The following RAB40C variants were observed in gnomAD, a reference collection of about 807,000 sequenced individuals.
The protein encoded by RAB40C is RAB40C, member RAS oncogene family.
In RAB40C, 8 loss-of-function variants were observed where a neutral mutation model predicts 28.1. The ratio of observed to expected loss-of-function variants is 0.28; its 90% CI spans 0.17 to 0.51. RAB40C has a LOEUF of 0.51. Among genes scored for constraint, RAB40C ranks in the 20% least tolerant of loss-of-function variants. The pLI, the probability that RAB40C is intolerant of heterozygous loss-of-function variation, is 0.97. For missense variants in RAB40C, 288 were observed against 405.9 expected, an observed-to-expected ratio of 0.71 and a Z score of 2.50; for synonymous variants, 201 against 171.7, an observed-to-expected ratio of 1.17 and a Z score of -1.34.
At chr16:626,947 CA>C (rs1453333485) in intron 5 of RAB40C, among the ~76,000 whole-genome samples, 2 of 152,286 alleles carry the variant, frequency 1.3e-5, no homozygotes, top group South Asian at 4.1e-4. Flanking sequence ...AAAAACAAAA[CA>C]AAAGAATGAG....
intron 3 of RAB40C, among the ~76,000 whole-genome samples, chr16:623,446 A>G (rs1192735514): frequency 4.0e-5 from 6 of 151,752 alleles, no homozygotes; most frequent in African/African-American, 7.3e-5. Flanking sequence ...TCAGGAGATC[A>G]AGACCATCCT....
At chr16:595,686 T>G (rs1355925504) in intron 1 of RAB40C, among the ~76,000 whole-genome samples, 1 of 149,642 alleles carries the variant, frequency 6.7e-6, no homozygotes, top group African/African-American at 2.5e-5. Context: ...CACTGCAAGC[T>G]CCACCTCCCG....
chr16:625,967 G>A lies in RAB40C; in HGVS notation c.411G>A (p.Pro137=), dbSNP rs150471824. Residue 137 remains proline, a synonymous_variant, in exon 5 of 6, where the codon CCG becomes CCA. Coordinates refer to ENST00000248139, the MANE Select transcript of RAB40C (RefSeq NM_021168.5). ...ACCTGGCCTTCAAGCGGCAGGTCCC[G>A]ACGGAGCAGGCCCGCGCGTACGCAG... ...RLHLAFKRQV[P]TEQARAYAEK... 54 of 1,612,938 alleles carry A rather than the reference G, an allele frequency of 3.3e-5. No homozygotes were observed. Among genetic ancestry groups the A allele is most frequent in the Middle Eastern group, 1.6e-4 (1 of 6,084 alleles).
chr16:618,178 C>T (rs776330109), intron 2 of RAB40C, 22 bp from the exon 3 acceptor site: 1 of 1,610,320 alleles, frequency 6.2e-7, no homozygotes, highest in Non-Finnish European at 8.5e-7. Flanking sequence ...GTCCCGGCCC[C>T]TCCCCTCCCC....
intron 1 of RAB40C, among the ~76,000 whole-genome samples, chr16:599,754 C>T (rs2036212379): frequency 4.9e-5 from 2 of 40,448 alleles, no homozygotes; most frequent in South Asian, 1.7e-3. Context: ...TTTGTTCCCT[C>T]GTGGCATCAG....
chr16:593,784 G>A (rs1881570889), intron 1 of RAB40C, among the ~76,000 whole-genome samples: 1 of 152,334 alleles, frequency 6.6e-6, no homozygotes, highest in Non-Finnish European at 1.5e-5. Context: ...TGGATCTCTA[G>A]GTCTGGAAAG....
At chr16:625,575 T>G in intron 4 of RAB40C, 66 bp downstream of exon 4, 1 of 1,509,892 alleles carries the variant, frequency 6.6e-7, no homozygotes, top group Non-Finnish European at 9.1e-7. Context: ...GGGCCCCGGG[T>G]AGGCTCTGGA....
At chr16:621,588 C>T (rs577838486) in intron 3 of RAB40C, among the ~76,000 whole-genome samples, 18 of 152,372 alleles carry the variant, frequency 1.2e-4, no homozygotes, top group Non-Finnish European at 2.4e-4. Flanking sequence ...ACTTCATGGT[C>T]GTGTTTGCAT....
intron 1 of RAB40C, among the ~76,000 whole-genome samples, chr16:612,646 G>A (rs2036506095): frequency 3.7e-5 from 1 of 26,772 alleles, no homozygotes; most frequent in African/African-American, 2.2e-4. Flanking sequence ...GCCTTTGCCT[G>A]TAGAATCAAG....
chr16:618,907 T>TGTG (rs35940011), intron 3 of RAB40C, among the ~76,000 whole-genome samples: 920 of 56,236 alleles, frequency 0.016, 109 homozygotes, highest in East Asian at 0.033. Context: ...TGTGCTCAGG[T>TGTG]GTGTACTTGG....
At chr16:615,043 G>T (rs1047165521) in intron 1 of RAB40C, among the ~76,000 whole-genome samples, 2 of 152,238 alleles carry the variant, frequency 1.3e-5, no homozygotes, top group Non-Finnish European at 2.9e-5. Context: ...TCTTGGAAAC[G>T]AGGACCCGAG....
intron 1 of RAB40C, among the ~76,000 whole-genome samples, chr16:595,201 C>T (rs17138503): frequency 0.011 from 1,621 of 152,314 alleles, 25 homozygotes; most frequent in African/African-American, 0.029. Flanking sequence ...ATGCTGCCAG[C>T]GTGTGATGAG....
At chr16:608,454 C>G (rs1447228211) in intron 1 of RAB40C, among the ~76,000 whole-genome samples, 1 of 152,240 alleles carries the variant, frequency 6.6e-6, no homozygotes, top group African/African-American at 2.4e-5. Flanking sequence ...GGGCTAGGTG[C>G]TGTGCCAAAC....
rs545326334 is a variant in RAB40C at position 593,134 on chromosome 16, G to A, written c.142+2701G>A. On this transcript the variant is annotated intron_variant, in intron 1 of 5. Transcript: ENST00000248139. ...TGTGGAACGCGCTTTCTGTGTCTAA[G>A]GTCTCAAGGTTAAGACGTGCACAGC... Among the ~76,000 whole-genome samples, 3 of 152,348 alleles carry A rather than the reference G, an allele frequency of 2.0e-5. No individual in the cohort carries two copies. In the South Asian group the frequency reaches 6.2e-4, roughly 32 times the overall value.
intron 1 of RAB40C, 106 bp from the exon 2 acceptor site, chr16:617,102 A>G (rs2036602271): frequency 8.4e-7 from 1 of 1,192,358 alleles, no homozygotes; most frequent in Non-Finnish European, 1.2e-6. Context: ...CTGCTTCTCC[A>G]CTTCCGCGTG....
intron 1 of RAB40C, among the ~76,000 whole-genome samples, chr16:614,004 A>G (rs541046469): frequency 5.3e-5 from 8 of 152,342 alleles, no homozygotes; most frequent in African/African-American, 1.9e-4. Context: ...TGCGGCCTCT[A>G]CTGCATCCAG....
chr16:624,127 CGTT>C (rs1362328724), intron 3 of RAB40C: 14 of 985,152 alleles, frequency 1.4e-5, no homozygotes, highest in African/African-American at 3.5e-5. Context: ...TCTGGCTTGT[CGTT>C]GTTATCAGCG....
chr16:590,944 C>T (rs2035982584), intron 1 of RAB40C, among the ~76,000 whole-genome samples: 1 of 148,156 alleles, frequency 6.7e-6, no homozygotes. Flanking sequence ...TGTCATGGGT[C>T]CAGGATCTGG....
chr16:626,206 A>G lies in RAB40C; in HGVS notation c.565+85A>G. The G allele has an allele frequency of 2.9e-6, 4 of 1,386,406 alleles. No individual in the cohort carries two copies. The South Asian group carries it at 4.8e-5, about 16-fold the overall frequency. The allele number at this position is 1,386,406 out of a possible 1,614,324, so 85.9% of individuals were successfully genotyped here. ...TGGAGGCTGAGGGGGGCCAGGGGCC[A>G]GTGAGGGAGGTTCAGGCAGGTCCCT... On this transcript the variant is annotated intron_variant, in intron 5 of 5. Coordinates refer to ENST00000248139, the MANE Select transcript of RAB40C (RefSeq NM_021168.5).
Sources: gnomAD v4.1 joint callset for allele counts (sites outside exome capture counted in the v4.1 genomes callset) on GRCh38, gnomAD v4.1.1 for gene constraint, MANE v1.5 for transcripts, NCBI Gene and HGNC (gene_info 2026-07-23, HGNC 2026-07-21) for gene names.